The following ANGPT2 variants were observed in gnomAD, a reference collection of about 807,000 sequenced individuals.
ANGPT2 encodes angiopoietin-2.
A neutral mutation model predicts 62.9 loss-of-function variants in ANGPT2; 28 were observed. The ratio of observed to expected loss-of-function variants is 0.44; its 90% CI spans 0.33 to 0.61. The LOEUF (loss-of-function observed/expected upper bound fraction) is 0.61. Ranked by LOEUF, ANGPT2 falls within the 20% of genes least tolerant of loss-of-function variation. The probability of loss-of-function intolerance (pLI) is 0.03; values close to 1 mark genes in which losing one functional copy is unlikely to be tolerated. For synonymous variants in ANGPT2, 284 were observed against 207.8 expected, an observed-to-expected ratio of 1.37 and a Z score of -3.15; for missense variants, 727 against 594.9, an observed-to-expected ratio of 1.22 and a Z score of -2.31.
chr8:6,528,589 C>T (rs74344164), intron 2 of ANGPT2, among the ~76,000 whole-genome samples: 4,238 of 152,330 alleles, frequency 0.028, 172 homozygotes, highest in Admixed American at 0.098. Context: ...TCAGCCTTGC[C>T]GTGCGGGCCT....
chr8:6,538,879 A>G (rs1399390024), intron 1 of ANGPT2, among the ~76,000 whole-genome samples: 2 of 152,226 alleles, frequency 1.3e-5, no homozygotes, highest in African/African-American at 2.4e-5. Flanking sequence ...TGAGTGTAAG[A>G]TTATTAAATC....
chr8:6,514,426 T>C (rs1216646602), intron 6 of ANGPT2, among the ~76,000 whole-genome samples: 2 of 152,158 alleles, frequency 1.3e-5, no homozygotes, highest in Admixed American at 6.5e-5. Flanking sequence ...TGACCTCAGG[T>C]AATCCATCTG....
chr8:6,541,824 C>T (rs894441923), intron 1 of ANGPT2, among the ~76,000 whole-genome samples: 1 of 151,864 alleles, frequency 6.6e-6, no homozygotes, highest in African/African-American at 2.4e-5. Flanking sequence ...GGCAACATGG[C>T]GAGACTCCAT....
rs1179212171 is a variant in ANGPT2 at position 6,514,814 on chromosome 8, C to T, written c.928-36G>A. ...GAATGCAGGGTATAAGTGACAGAGC[C>T]CCCCCACTCCCCCCTTACGTAGCAG... On this transcript the variant is annotated intron_variant, in intron 5 of 8. Transcript: ENST00000629816. 6 of 1,550,800 alleles carry T rather than the reference C, an allele frequency of 3.9e-6. No homozygotes were observed. The Admixed American group carries it at 5.0e-5, about 13-fold the overall frequency.
intron 1 of ANGPT2, among the ~76,000 whole-genome samples, chr8:6,533,143 CTT>C (rs746132400): frequency 6.6e-6 from 1 of 152,184 alleles, no homozygotes; most frequent in Non-Finnish European, 1.5e-5. Flanking sequence ...ATCAAGCAAA[CTT>C]TTAATCGCAC....
chr8:6,506,959 G>A lies in ANGPT2; in HGVS notation c.1327+1973C>T, dbSNP rs923220161. On this transcript the variant is annotated intron_variant, in intron 8 of 8. Transcript: ENST00000629816. Reference sequence around the variant, plus strand: ...GTCGTCCAGGCTGGATTGTACTGGTGCGATCTCGGCTCATTGCAAACTCTG... The same window carrying A: ...GTCGTCCAGGCTGGATTGTACTGGTACGATCTCGGCTCATTGCAAACTCTG... 1.8e-4 allele frequency among the ~76,000 whole-genome samples: 27 copies of A among 151,688 alleles called. 1 individual carries two copies. Among genetic ancestry groups the A allele is most frequent in the African/African-American group, 6.3e-4 (26 of 41,334 alleles).
At chr8:6,513,919 A>C in intron 6 of ANGPT2, 75 bp from the exon 7 acceptor site, 1 of 1,343,942 alleles carries the variant, frequency 7.4e-7, no homozygotes, top group Non-Finnish European at 1.0e-6. Flanking sequence ...TAGTCCGTCA[A>C]CTTAACATAG....
intron 4 of ANGPT2, among the ~76,000 whole-genome samples, chr8:6,520,610 G>C (rs540372127): frequency 2.0e-5 from 3 of 152,198 alleles, no homozygotes; most frequent in East Asian, 1.9e-4. Context: ...TGGCCACGCT[G>C]GTCTCCAACT....
At chr8:6,526,411 G>A (rs1404666386) in intron 3 of ANGPT2, among the ~76,000 whole-genome samples, 1 of 151,608 alleles carries the variant, frequency 6.6e-6, no homozygotes, top group African/African-American at 2.4e-5. Context: ...TCCAGCCAGG[G>A]CAACCAGAGT....
At chr8:6,549,892 A>C (rs1045296898) in intron 1 of ANGPT2, among the ~76,000 whole-genome samples, 4 of 152,184 alleles carry the variant, frequency 2.6e-5, no homozygotes, top group Non-Finnish European at 4.4e-5. Context: ...AAGAAAAGAA[A>C]AGAAAAAGCT....
intron 5 of ANGPT2, among the ~76,000 whole-genome samples, chr8:6,519,266 C>G (rs985911489): frequency 3.9e-5 from 6 of 152,098 alleles, no homozygotes; most frequent in Non-Finnish European, 7.4e-5. Context: ...ACTGTTTTCA[C>G]GATGCTAAGA....
intron 8 of ANGPT2, among the ~76,000 whole-genome samples, chr8:6,506,929 C>G (rs1436540604): frequency 1.3e-5 from 2 of 151,868 alleles, no homozygotes; most frequent in African/African-American, 4.8e-5. Context: ...CGGAGTCTCA[C>G]TCTTGTCGTC....
intron 2 of ANGPT2, 85 bp from the exon 3 acceptor site, chr8:6,527,761 T>A: frequency 1.6e-6 from 2 of 1,257,740 alleles, no homozygotes; most frequent in Non-Finnish European, 2.2e-6. Flanking sequence ...GTACCCAAGC[T>A]ACAGGAAAAC....
rs368489369 is a variant in ANGPT2, at chr8:6,512,158, T to A, written c.1196+1520A>T. ...ATATGCTTCACTGATGTTTAAAGAGTCACATCCATGTATATCTGTTTCTCA... is the reference window on the plus strand; with the variant it reads ...ATATGCTTCACTGATGTTTAAAGAGACACATCCATGTATATCTGTTTCTCA... On this transcript the variant is annotated intron_variant, in intron 7 of 8. Transcript: ENST00000629816. 3.9e-5 allele frequency among the ~76,000 whole-genome samples: 6 copies of A among 152,214 alleles called. No individual in the cohort carries two copies. In the East Asian group the frequency reaches 1.2e-3, roughly 29 times the overall value.
chr8:6,547,426 C>T (rs17553089), intron 1 of ANGPT2, among the ~76,000 whole-genome samples: 17,388 of 152,142 alleles, frequency 0.11, 1,241 homozygotes, highest in South Asian at 0.23. Flanking sequence ...CCCTTTCACT[C>T]CACTGCCATA....
rs1563292420 is a variant in ANGPT2, at chr8:6,499,653, T to C, written c.*3448A>G. The C allele has an allele frequency of 3.1e-5, 17 of 544,100 alleles. No individual in the cohort carries two copies. In the South Asian group the frequency reaches 3.7e-4, roughly 12 times the overall value. The allele number at this position is 544,100 out of a possible 1,614,324, so 33.7% of individuals were successfully genotyped here. A position where few individuals can be genotyped will look rare whatever the true frequency, so the allele number is the denominator to read the frequency against. ...CAGATTTCTTGTTATCGTGAGACTT[T>C]TTCTCAATCAACTTTTTATTAATAT... On this transcript the variant is annotated 3_prime_UTR_variant, in exon 9 of 9. Transcript: ENST00000629816.
intron 1 of ANGPT2, among the ~76,000 whole-genome samples, chr8:6,533,576 T>TTC (rs1483872394): frequency 2.4e-5 from 3 of 124,240 alleles, no homozygotes; most frequent in African/African-American, 6.5e-5. Flanking sequence ...TTTCTTTTTT[T>TTC]TTTTTTTTTT....
At position 6,524,039 on chromosome 8, in the gene ANGPT2, G is replaced by T. The variant is rs1817878776; in HGVS notation, c.567-2629C>A. 3.3e-5 allele frequency among the ~76,000 whole-genome samples: 5 copies of T among 152,156 alleles called. No homozygotes were observed. In the South Asian group the frequency reaches 1.0e-3, roughly 32 times the overall value. ...TCTTCATTTTGTTTGTACAAGGCCA[G>T]TAAATAAAGCTTTCAAAATATAGAC... On this transcript the variant is annotated intron_variant, in intron 3 of 8. Transcript: ENST00000629816.
Position 6,503,092 on chromosome 8 carries a change from C to G in ANGPT2, c.*9G>C, listed in dbSNP as rs1244223788. The G allele has an allele frequency of 6.2e-7, 1 of 1,614,074 alleles. No homozygotes were observed. The highest frequency in any genetic ancestry group is 1.7e-5 in the Admixed American group (1 of 60,022). On this transcript the variant is annotated 3_prime_UTR_variant, in exon 9 of 9. Transcript: ENST00000629816. ...AGTTCGAGACAGTTCCTCAGGTGGA[C>G]TGGGATGTTTAGAAATCTGCTGGTC...
Sources: gnomAD v4.1 joint callset for allele counts (sites outside exome capture counted in the v4.1 genomes callset) on GRCh38, gnomAD v4.1.1 for gene constraint, MANE v1.5 for transcripts, NCBI Gene and HGNC (gene_info 2026-07-23, HGNC 2026-07-21) for gene names.